DMD: variants seen among roughly 807,000 people sequenced by gnomAD.
DMD encodes mutant dystrophin.
Under a neutral mutation model 330.1 loss-of-function variants are expected in DMD, and 63 were observed. The observed-to-expected ratio is 0.19, with a 90% confidence interval of 0.16 to 0.24. The LOEUF (loss-of-function observed/expected upper bound fraction) is 0.24. Ranked by LOEUF, DMD falls within the 10% of genes least tolerant of loss-of-function variation. DMD has a pLI of 1.00. For synonymous variants in DMD, 1,223 were observed against 959.8 expected, an observed-to-expected ratio of 1.27 and a Z score of -5.07; for missense variants, 3,344 against 2,684.1, an observed-to-expected ratio of 1.25 and a Z score of -5.43.
rs770812341 is a variant in DMD at position 31,385,782 on chromosome X, T to C, written c.9085-37148A>G. Among the ~76,000 whole-genome samples the C allele has an allele frequency of 2.7e-5, 3 of 112,491 alleles. No individual in the cohort carries two copies. The South Asian group carries it at 1.1e-3, about 42-fold the overall frequency. ...AGCACTTTTACACTGTTGGTGGGAC[T>C]GTAAACTAGTTCAACCATTGTGGAA... On this transcript the variant is annotated intron_variant, in intron 60 of 78. Coordinates refer to ENST00000357033, the MANE Select transcript of DMD (RefSeq NM_004006.3).
chrX:31,129,453 G>A (rs1415395526), intron 77 of DMD, among the ~76,000 whole-genome samples: 1 of 111,908 alleles, frequency 8.9e-6, no homozygotes, highest in African/African-American at 3.2e-5. Context: ...TACATGTAAT[G>A]AGTCAGAATG....
intron 44 of DMD, among the ~76,000 whole-genome samples, chrX:32,106,486 A>T (rs1354323819): frequency 8.9e-6 from 1 of 111,904 alleles, no homozygotes; most frequent in Non-Finnish European, 1.9e-5. Flanking sequence ...TTCAATATGA[A>T]ACACTAGGAT....
intron 44 of DMD, among the ~76,000 whole-genome samples, chrX:32,083,630 C>A (rs2096410290): frequency 1.8e-5 from 2 of 112,421 alleles, no homozygotes; most frequent in South Asian, 7.3e-4. Context: ...ATAGCCACTT[C>A]ATGGATTGAG....
rs147233018 is a variant in DMD at position 32,708,903 on chromosome X, G to A, written c.650-9610C>T. ...TTCAACAACTGACAAAATAACTGATGGCGAATTAAGTTTTCCTGAACTAAT... is the reference window on the plus strand; with the variant it reads ...TTCAACAACTGACAAAATAACTGATAGCGAATTAAGTTTTCCTGAACTAAT... On this transcript the variant is annotated intron_variant, in intron 7 of 78. Transcript: ENST00000357033. Among the ~76,000 whole-genome samples the A allele has an allele frequency of 2.3e-3, 253 of 111,383 alleles. 4 individuals are homozygous for A. Among genetic ancestry groups the A allele is most frequent in the Admixed American group, 0.017 (173 of 10,409 alleles).
chrX:33,245,410 A>G (rs1000700320), intron 1 of DMD, among the ~76,000 whole-genome samples: 4 of 112,055 alleles, frequency 3.6e-5, no homozygotes, highest in East Asian at 2.8e-4. Context: ...ATAAAACTAC[A>G]TATGTTGCAT....
chrX:32,654,977 G>A (rs1202801119), intron 9 of DMD, among the ~76,000 whole-genome samples: 1 of 111,829 alleles, frequency 8.9e-6, no homozygotes, highest in Non-Finnish European at 1.9e-5. Flanking sequence ...TTGAATTTCT[G>A]TGGGATCGGT....
At chrX:33,066,446 CAA>C (rs778464677) in intron 1 of DMD, among the ~76,000 whole-genome samples, 29 of 38,365 alleles carry the variant, frequency 7.6e-4, no homozygotes, top group African/African-American at 3.0e-3. Flanking sequence ...GAGACTCTGT[CAA>C]AAAAAAAAAA....
chrX:32,601,928 T>G (rs1300496784), intron 12 of DMD, among the ~76,000 whole-genome samples: 11 of 111,902 alleles, frequency 9.8e-5, no homozygotes, highest in Non-Finnish European at 1.7e-4. Context: ...TATATCAAAG[T>G]TTTGAAACTA....
chrX:33,178,228 C>T (rs757596329), intron 1 of DMD, among the ~76,000 whole-genome samples: 1 of 112,442 alleles, frequency 8.9e-6, no homozygotes, highest in East Asian at 2.8e-4. Context: ...TTAAATTGGA[C>T]AAACCCTTTC....
At chrX:33,132,774 T>G (rs994998359) in intron 1 of DMD, among the ~76,000 whole-genome samples, 2 of 112,418 alleles carry the variant, frequency 1.8e-5, no homozygotes, top group African/African-American at 6.5e-5. Context: ...TCCTATGTAC[T>G]AGCTGCATAA....
chrX:32,576,907 C>A (rs1160656059), intron 13 of DMD, among the ~76,000 whole-genome samples: 1 of 111,450 alleles, frequency 9.0e-6, no homozygotes, highest in Non-Finnish European at 1.9e-5. Context: ...GCCATCAATG[C>A]ATTCATTCAT....
chrX:33,258,647 C>T (rs141597478), intron 1 of DMD, among the ~76,000 whole-genome samples: 305 of 110,831 alleles, frequency 2.8e-3, no homozygotes, highest in African/African-American at 9.5e-3. Context: ...CCTAGAGATG[C>T]CTTTCTCCAC....
chrX:32,987,957 C>A (rs1003381338), intron 2 of DMD, among the ~76,000 whole-genome samples: 1 of 108,641 alleles, frequency 9.2e-6, no homozygotes, highest in East Asian at 2.9e-4. Flanking sequence ...TAACAAAACA[C>A]AGGAAAATCA....
intron 62 of DMD, among the ~76,000 whole-genome samples, chrX:31,305,365 A>G (rs1440285492): frequency 9.0e-6 from 1 of 111,439 alleles, no homozygotes; most frequent in Non-Finnish European, 1.9e-5. Context: ...CTAAAACTTG[A>G]TTTTCCCTAC....
chrX:33,332,661 A>C (rs1428117969), intron 1 of DMD, among the ~76,000 whole-genome samples: 4 of 111,716 alleles, frequency 3.6e-5, no homozygotes, highest in Non-Finnish European at 5.7e-5. Flanking sequence ...CCTTTCTAAA[A>C]CAATTCAAAT....
chrX:31,607,116 G>A (rs1186742939), intron 55 of DMD, among the ~76,000 whole-genome samples: 2 of 111,485 alleles, frequency 1.8e-5, no homozygotes, highest in African/African-American at 3.3e-5. Context: ...GATGTGGTGC[G>A]GGCAGCAGGA....
intron 23 of DMD, 29 bp from the exon 24 acceptor site, chrX:32,464,728 C>T (rs773309859): frequency 1.0e-6 from 1 of 996,776 alleles, no homozygotes; most frequent in African/African-American, 1.9e-5. Context: ...TAAGGCATTA[C>T]TGGTGTGCTG....
rs141424944 is a variant in DMD at position 32,482,073 on chromosome X, A to C, written c.2803+2846T>G. ...ACTAAACCAAACCAATAAAATCCCTAATAATTATTTTAACATGATTTCCAA... is the reference window on the plus strand; with the variant it reads ...ACTAAACCAAACCAATAAAATCCCTCATAATTATTTTAACATGATTTCCAA... On this transcript the variant is annotated intron_variant, in intron 21 of 78. Transcript: ENST00000357033. Among the ~76,000 whole-genome samples the C allele has an allele frequency of 3.3e-3, 364 of 111,936 alleles. 3 individuals carry two copies. In the South Asian group the frequency reaches 0.056, roughly 17 times the overall value.
intron 2 of DMD, among the ~76,000 whole-genome samples, chrX:32,933,479 T>C (rs984606273): frequency 8.9e-5 from 10 of 112,147 alleles, no homozygotes; most frequent in African/African-American, 2.6e-4. Context: ...AGCTAGAAGA[T>C]CTTAATCTGT....
Sources: gnomAD v4.1 joint callset for allele counts (sites outside exome capture counted in the v4.1 genomes callset) on GRCh38, gnomAD v4.1.1 for gene constraint, MANE v1.5 for transcripts, NCBI Gene and HGNC (gene_info 2026-07-23, HGNC 2026-07-21) for gene names.